SLC4A4: variants seen among roughly 807,000 people sequenced by gnomAD.
SLC4A4 encodes the protein electrogenic sodium bicarbonate cotransporter 1.
SLC4A4 carries 27 observed loss-of-function variants against 111.5 expected under a neutral mutation model. The ratio of observed to expected loss-of-function variants is 0.24; its 90% CI spans 0.18 to 0.33. SLC4A4 has a LOEUF of 0.33. Among genes scored for constraint, SLC4A4 ranks in the 10% least tolerant of loss-of-function variants. The pLI, the probability that SLC4A4 is intolerant of heterozygous loss-of-function variation, is 1.00. For missense variants in SLC4A4, 909 were observed against 1,315.5 expected (o/e 0.69, Z 4.78); for synonymous variants, 443 against 463.4 (o/e 0.96, Z 0.57).
chr4:71,383,900 G>C (rs1030094586), intron 6 of SLC4A4, among the ~76,000 whole-genome samples: 1 of 152,090 alleles, frequency 6.6e-6, no homozygotes, highest in African/African-American at 2.4e-5. Flanking sequence ...TACTGCCCCC[G>C]CTCTGTCGCC....
chr4:71,314,427 A>C (rs1452721950), intron 3 of SLC4A4, among the ~76,000 whole-genome samples: 1 of 152,232 alleles, frequency 6.6e-6, no homozygotes, highest in Non-Finnish European at 1.5e-5. Flanking sequence ...GTATATACCC[A>C]AAGGATTATA....
chr4:71,567,601 G>C (rs190738564), intron 25 of SLC4A4, among the ~76,000 whole-genome samples, 187 bp from the exon 26 acceptor site: 68 of 151,598 alleles, frequency 4.5e-4, no homozygotes, highest in African/African-American at 1.5e-3. Context: ...TTTTTTACTT[G>C]AATTTCTTGA....
At chr4:71,384,544 C>T (rs1236636535) in intron 6 of SLC4A4, among the ~76,000 whole-genome samples, 2 of 149,894 alleles carry the variant, frequency 1.3e-5, no homozygotes, top group East Asian at 2.0e-4. Flanking sequence ...AAATCTAGAG[C>T]AGTGAGGAGG....
intron 2 of SLC4A4, among the ~76,000 whole-genome samples, chr4:71,180,463 G>A (rs1223974104): frequency 2.6e-5 from 4 of 152,096 alleles, no homozygotes; most frequent in Admixed American, 2.6e-4. Flanking sequence ...CTGACAAAGG[G>A]CTAATATCCA....
At chr4:71,388,429 A>G (rs554437306) in intron 6 of SLC4A4, among the ~76,000 whole-genome samples, 14 of 152,298 alleles carry the variant, frequency 9.2e-5, no homozygotes, top group African/African-American at 3.4e-4. Context: ...TGTCTTTTGA[A>G]TGCTTTCTCA....
chr4:71,273,648 A>G (rs1217580573), intron 3 of SLC4A4, among the ~76,000 whole-genome samples: 1 of 151,482 alleles, frequency 6.6e-6, no homozygotes, highest in African/African-American at 2.4e-5. Context: ...TGCTCCTTAA[A>G]CTGAATATTA....
chr4:71,297,204 TCTACATTAA>T (rs1463368379), intron 3 of SLC4A4, among the ~76,000 whole-genome samples: 1 of 152,104 alleles, frequency 6.6e-6, no homozygotes, highest in Non-Finnish European at 1.5e-5. Context: ...CCTAGAAGAA[TCTACATTAA>T]CTGTGCCCTG....
chr4:71,496,398 A>T (rs571897463), intron 15 of SLC4A4, among the ~76,000 whole-genome samples: 3 of 152,040 alleles, frequency 2.0e-5, no homozygotes, highest in African/African-American at 7.2e-5. Context: ...TTAAACAAGG[A>T]TATGGTTTCA....
chr4:71,409,994 C>T (rs918440139), intron 7 of SLC4A4, among the ~76,000 whole-genome samples: 27 of 152,292 alleles, frequency 1.8e-4, no homozygotes, highest in South Asian at 1.2e-3. Flanking sequence ...GTTGAGCCTG[C>T]GAGCGCACAG....
At chr4:71,393,422 C>CA (rs1015074535) in intron 6 of SLC4A4, among the ~76,000 whole-genome samples, 20 of 151,740 alleles carry the variant, frequency 1.3e-4, no homozygotes, top group Non-Finnish European at 1.9e-4. Context: ...ACAATAGCTG[C>CA]AAAAAAATAA....
intron 6 of SLC4A4, among the ~76,000 whole-genome samples, chr4:71,388,293 ATG>A (rs972945065): frequency 2.0e-5 from 3 of 151,996 alleles, no homozygotes; most frequent in Non-Finnish European, 2.9e-5. Context: ...GTGCTCATGT[ATG>A]TGTGTGTGAA....
chr4:71,106,441 A>G (rs932222987), intron 2 of SLC4A4, among the ~76,000 whole-genome samples: 41 of 148,784 alleles, frequency 2.8e-4, no homozygotes, highest in African/African-American at 1.0e-3. Context: ...CCAAAGGACT[A>G]TAAATCATGC....
chr4:71,551,655 A>G (rs1467685421), intron 20 of SLC4A4, among the ~76,000 whole-genome samples: 1 of 151,942 alleles, frequency 6.6e-6, no homozygotes, highest in Non-Finnish European at 1.5e-5. Context: ...CAGGGTTTAC[A>G]ACCATTTAAA....
At chr4:71,547,235 T>C (rs1275399017) in intron 19 of SLC4A4, among the ~76,000 whole-genome samples, 1 of 152,000 alleles carries the variant, frequency 6.6e-6, no homozygotes, top group Non-Finnish European at 1.5e-5. Context: ...TTGAGCTGTT[T>C]GTTAATTGGA....
At chr4:71,384,736 G>A (rs1718506239) in intron 6 of SLC4A4, among the ~76,000 whole-genome samples, 1 of 148,796 alleles carries the variant, frequency 6.7e-6, no homozygotes, top group Non-Finnish European at 1.5e-5. Flanking sequence ...AATTGCATTT[G>A]TAATTTTAAG....
At chr4:71,540,768 T>C (rs1734971421) in intron 18 of SLC4A4, among the ~76,000 whole-genome samples, 1 of 152,166 alleles carries the variant, frequency 6.6e-6, no homozygotes, top group Admixed American at 6.6e-5. Context: ...TAATAATCTG[T>C]ATCTGTCAAT....
chr4:71,285,636 A>C (rs1723856314), intron 3 of SLC4A4, among the ~76,000 whole-genome samples: 1 of 152,228 alleles, frequency 6.6e-6, no homozygotes, highest in Non-Finnish European at 1.5e-5. Context: ...ACCTGACTGT[A>C]CAATAATAAC....
At chr4:71,096,727 T>C (rs1243042646) in intron 2 of SLC4A4, among the ~76,000 whole-genome samples, 1 of 152,172 alleles carries the variant, frequency 6.6e-6, no homozygotes, top group African/African-American at 2.4e-5. Context: ...ATTTTGTTCA[T>C]CTAGAAAGAA....
At chr4:71,181,007 T>C (rs913618857) in intron 2 of SLC4A4, among the ~76,000 whole-genome samples, 10 of 151,954 alleles carry the variant, frequency 6.6e-5, no homozygotes, top group African/African-American at 2.2e-4. Flanking sequence ...AAATGTGGCA[T>C]ATATATACCA....
Sources: allele counts gnomAD v4.1 joint callset (sites outside exome capture counted in the v4.1 genomes callset), GRCh38; gene constraint gnomAD v4.1.1; transcripts MANE v1.5; gene names NCBI Gene and HGNC (gene_info 2026-07-23, HGNC 2026-07-21).